The following ZNF804B variants were observed in gnomAD, a reference collection of about 807,000 sequenced individuals.
The protein encoded by ZNF804B is zinc finger protein 804B.
A neutral mutation model predicts 101.4 loss-of-function variants in ZNF804B; 80 were observed. The ratio of observed to expected loss-of-function variants is 0.79; its 90% CI spans 0.66 to 0.95. The LOEUF (loss-of-function observed/expected upper bound fraction) is 0.95, where lower values mean the gene tolerates loss of function less well. Ranked by LOEUF, ZNF804B falls within the 40% of genes least tolerant of loss-of-function variation. ZNF804B has a pLI of 0.00. For missense variants in ZNF804B, 1,673 were observed against 1,561.9 expected, an observed-to-expected ratio of 1.07 and a Z score of -1.20; for synonymous variants, 622 against 558.8, an observed-to-expected ratio of 1.11 and a Z score of -1.59.
chr7:88,941,033 T>C (rs562735782), intron 1 of ZNF804B, among the ~76,000 whole-genome samples: 20 of 151,890 alleles, frequency 1.3e-4, no homozygotes, highest in Admixed American at 4.6e-4. Flanking sequence ...CTTAACATCA[T>C]GTTATTAGGG....
chr7:89,243,083 A>G (rs755379085), intron 2 of ZNF804B, among the ~76,000 whole-genome samples: 19 of 151,906 alleles, frequency 1.3e-4, no homozygotes, highest in Admixed American at 1.3e-4. Flanking sequence ...ATCTGATAGT[A>G]TTTTCCCTAC....
At chr7:88,864,046 A>G (rs185746101) in intron 1 of ZNF804B, among the ~76,000 whole-genome samples, 8 of 152,286 alleles carry the variant, frequency 5.3e-5, no homozygotes, top group Non-Finnish European at 1.0e-4. Context: ...CATCCCCACC[A>G]CAGAAACACA....
chr7:88,771,608 C>T (rs1484311081), intron 1 of ZNF804B, among the ~76,000 whole-genome samples: 1 of 152,068 alleles, frequency 6.6e-6, no homozygotes, highest in African/African-American at 2.4e-5. Flanking sequence ...TTCACTTTGA[C>T]TGGCCAAAGC....
intron 1 of ZNF804B, among the ~76,000 whole-genome samples, chr7:88,858,183 T>C (rs927610261): frequency 1.3e-5 from 2 of 152,112 alleles, no homozygotes; most frequent in Admixed American, 6.6e-5. Flanking sequence ...AATTCATAAA[T>C]AGCAAAAAAG....
intron 1 of ZNF804B, among the ~76,000 whole-genome samples, chr7:89,171,359 C>CTTGT (rs1562904583): frequency 3.0e-5 from 2 of 66,924 alleles, no homozygotes; most frequent in Non-Finnish European, 6.5e-5. Context: ...CTTCTTCTTC[C>CTTGT]TCCTCTTCCT....
chr7:89,165,486 C>A (rs963275135), intron 1 of ZNF804B, among the ~76,000 whole-genome samples: 1 of 151,892 alleles, frequency 6.6e-6, no homozygotes, highest in Non-Finnish European at 1.5e-5. Flanking sequence ...AATGAGAAAG[C>A]TTTTTTGGCA....
intron 2 of ZNF804B, among the ~76,000 whole-genome samples, chr7:89,275,440 G>C (rs986119656): frequency 6.6e-6 from 1 of 151,824 alleles, no homozygotes; most frequent in Non-Finnish European, 1.5e-5. Flanking sequence ...ACTCAAAGTA[G>C]AAATCAAAAT....
intron 1 of ZNF804B, among the ~76,000 whole-genome samples, chr7:89,049,961 G>C (rs1717554454): frequency 6.6e-6 from 1 of 152,144 alleles, no homozygotes; most frequent in South Asian, 2.1e-4. Flanking sequence ...GCAGTGAGCT[G>C]AGATCATGCC....
chr7:88,939,833 C>T (rs1237499341), intron 1 of ZNF804B, among the ~76,000 whole-genome samples: 2 of 150,678 alleles, frequency 1.3e-5, no homozygotes, highest in African/African-American at 2.4e-5. Flanking sequence ...ATAGACAGCA[C>T]ATTTCATCAG....
intron 2 of ZNF804B, among the ~76,000 whole-genome samples, chr7:89,307,855 C>A (rs999974884): frequency 6.6e-6 from 1 of 151,924 alleles, no homozygotes; most frequent in Admixed American, 6.6e-5. Flanking sequence ...ACAGATAACT[C>A]AAGAGTTGAT....
chr7:88,849,287 C>G (rs1197844339), intron 1 of ZNF804B, among the ~76,000 whole-genome samples: 1 of 151,722 alleles, frequency 6.6e-6, no homozygotes, highest in Non-Finnish European at 1.5e-5. Flanking sequence ...ACAGAGTATT[C>G]TAATAAAGTT....
At chr7:88,787,829 T>C (rs1281502281) in intron 1 of ZNF804B, among the ~76,000 whole-genome samples, 2 of 152,104 alleles carry the variant, frequency 1.3e-5, no homozygotes, top group African/African-American at 2.4e-5. Context: ...GTCTTTATGT[T>C]TGATAGAAAC....
At chr7:88,967,193 G>A (rs1793467857) in intron 1 of ZNF804B, among the ~76,000 whole-genome samples, 1 of 151,330 alleles carries the variant, frequency 6.6e-6, no homozygotes, top group South Asian at 2.1e-4. Context: ...GGAGAAAAGA[G>A]GTTTAATTGA....
intron 1 of ZNF804B, among the ~76,000 whole-genome samples, chr7:88,856,130 A>C (rs1228489130): frequency 2.0e-5 from 3 of 152,130 alleles, no homozygotes; most frequent in Non-Finnish European, 2.9e-5. Flanking sequence ...AGTTTTTTCC[A>C]ATTCTGTGAA....
At chr7:89,134,718 C>A (rs892837200) in intron 1 of ZNF804B, among the ~76,000 whole-genome samples, 3 of 152,126 alleles carry the variant, frequency 2.0e-5, no homozygotes, top group African/African-American at 7.2e-5. Flanking sequence ...CTTGGTTGAT[C>A]CTTTTGGGTA....
chr7:89,303,284 G>T (rs886098293), intron 2 of ZNF804B, among the ~76,000 whole-genome samples: 1 of 151,970 alleles, frequency 6.6e-6, no homozygotes, highest in South Asian at 2.1e-4. Flanking sequence ...ATATTTCAAA[G>T]CTTTCATAGT....
intron 3 of ZNF804B, 49 bp downstream of exon 3, chr7:89,327,523 G>A: frequency 6.3e-7 from 1 of 1,579,774 alleles, no homozygotes; most frequent in Middle Eastern, 1.7e-4. Flanking sequence ...GTCAACCTAT[G>A]GGGAAATTTT....
intron 1 of ZNF804B, among the ~76,000 whole-genome samples, chr7:89,038,137 T>G (rs896434170): frequency 7.2e-5 from 11 of 152,168 alleles, no homozygotes; most frequent in Admixed American, 2.0e-4. Flanking sequence ...CAATAAACAC[T>G]GGGGTGCAGG....
At chr7:88,855,876 G>T (rs573442552) in intron 1 of ZNF804B, among the ~76,000 whole-genome samples, 4,293 of 152,126 alleles carry the variant, frequency 0.028, 212 homozygotes, top group African/African-American at 0.098. Context: ...TTTCCCCATT[G>T]CTTGTTTTTG....
Sources: allele counts gnomAD v4.1 joint callset (sites outside exome capture counted in the v4.1 genomes callset), GRCh38; gene constraint gnomAD v4.1.1; transcripts MANE v1.5; gene names NCBI Gene and HGNC (gene_info 2026-07-23, HGNC 2026-07-21).